Variants in GABRA2 observed in about 807,000 individuals in gnomAD.
The protein encoded by GABRA2 is gamma-aminobutyric acid receptor subunit alpha-2.
A neutral mutation model predicts 48.7 loss-of-function variants in GABRA2; 16 were observed. That is an observed-to-expected ratio of 0.33 (90% confidence interval 0.22 to 0.50). GABRA2 has a LOEUF of 0.50. GABRA2 is among the 20% of genes least tolerant of loss of function. The probability of loss-of-function intolerance (pLI) is 0.98; values close to 1 mark genes in which losing one functional copy is unlikely to be tolerated. For synonymous variants in GABRA2, 185 were observed against 184.5 expected (o/e 1.00, Z -0.02); for missense variants, 275 against 535.6 (o/e 0.51, Z 4.80).
chr4:46,361,267 G>C (rs1560579143), intron 3 of GABRA2, among the ~76,000 whole-genome samples: 1 of 151,944 alleles, frequency 6.6e-6, no homozygotes, highest in South Asian at 2.1e-4. Flanking sequence ...AAATGGGCCT[G>C]GCCGAGGGTC....
chr4:46,292,500 T>C (rs961667022), intron 8 of GABRA2, among the ~76,000 whole-genome samples: 2 of 152,304 alleles, frequency 1.3e-5, no homozygotes, highest in Admixed American at 1.3e-4. Flanking sequence ...ACTGAGCTTG[T>C]AAACTCTGAT....
intron 3 of GABRA2, among the ~76,000 whole-genome samples, chr4:46,346,224 C>T (rs1348819061): frequency 6.6e-6 from 1 of 151,896 alleles, no homozygotes; most frequent in African/African-American, 2.4e-5. Flanking sequence ...AAGTTAAAAA[C>T]ATTAAATTAG....
chr4:46,350,759 C>T (rs1387966323), intron 3 of GABRA2, among the ~76,000 whole-genome samples: 1 of 151,612 alleles, frequency 6.6e-6, no homozygotes, highest in Non-Finnish European at 1.5e-5. Context: ...AAATTGAGTG[C>T]CTATTATACT....
chr4:46,292,990 T>C (rs910059044), intron 8 of GABRA2, among the ~76,000 whole-genome samples: 9 of 152,110 alleles, frequency 5.9e-5, no homozygotes, highest in Admixed American at 5.2e-4. Context: ...GGTAAAGTAG[T>C]GGCACTCAAC....
intron 5 of GABRA2, among the ~76,000 whole-genome samples, chr4:46,310,944 CAA>C (rs1727546005): frequency 6.6e-6 from 1 of 151,970 alleles, no homozygotes; most frequent in Admixed American, 6.6e-5. Context: ...CATGTAAAGA[CAA>C]AGTGGATATA....
intron 3 of GABRA2, chr4:46,367,563 CT>C (rs1714236345): frequency 6.6e-6 from 1 of 152,026 alleles, no homozygotes; most frequent in Non-Finnish European, 1.5e-5. Context: ...TTCCTGGGAG[CT>C]TTGGAAAAAG....
At chr4:46,386,973 A>G (rs1717545452) in intron 2 of GABRA2, 1 of 152,220 alleles carries the variant, frequency 6.6e-6, no homozygotes. Context: ...ATCACCAGAA[A>G]AGCTTTAGAA....
intron 3 of GABRA2, among the ~76,000 whole-genome samples, chr4:46,353,132 A>T (rs1735412881): frequency 6.6e-6 from 1 of 152,164 alleles, no homozygotes; most frequent in East Asian, 1.9e-4. Context: ...AACAATAATC[A>T]TATTTAAGAT....
chr4:46,300,509 T>C (rs540606071), intron 8 of GABRA2, among the ~76,000 whole-genome samples: 1 of 152,096 alleles, frequency 6.6e-6, no homozygotes, highest in Admixed American at 6.6e-5. Context: ...ACTTATAAGT[T>C]CTATCATCTT....
intron 3 of GABRA2, among the ~76,000 whole-genome samples, chr4:46,345,537 C>A (rs984854374): frequency 6.6e-6 from 1 of 151,814 alleles, no homozygotes; most frequent in Non-Finnish European, 1.5e-5. Flanking sequence ...AGCTTTCTCT[C>A]CCCATAAGTA....
At chr4:46,266,135 G>T (rs926048837) in intron 8 of GABRA2, among the ~76,000 whole-genome samples, 1 of 151,540 alleles carries the variant, frequency 6.6e-6, no homozygotes, top group East Asian at 1.9e-4. Flanking sequence ...TGTGCATTCT[G>T]CTTTTTATGA....
chr4:46,376,752 C>G (rs888646168), intron 3 of GABRA2, among the ~76,000 whole-genome samples: 6 of 151,184 alleles, frequency 4.0e-5, no homozygotes, highest in African/African-American at 1.5e-4. Context: ...CCCTCTCCCT[C>G]TCCCTCTCCC....
rs1713921544 is a variant in GABRA2 at position 46,247,440 on chromosome 4, A to T, written c.*2868T>A. On this transcript the variant is annotated 3_prime_UTR_variant, in exon 10 of 10. Transcript: ENST00000381620. The stretch of plus-strand genomic sequence containing the variant: ...TTCAACTAAATTCAGTGGGTGTGAC[A>T]TGAGTGATTTTAACACCAATTACAG... 6.6e-6 allele frequency among the ~76,000 whole-genome samples: 1 copy of T among 151,232 alleles called. No individual in the cohort carries two copies. Among genetic ancestry groups the T allele is most frequent in the Non-Finnish European group, 1.5e-5 (1 of 67,478 alleles).
At chr4:46,360,018 T>C (rs868762356) in intron 3 of GABRA2, among the ~76,000 whole-genome samples, 1 of 152,072 alleles carries the variant, frequency 6.6e-6, no homozygotes, top group Non-Finnish European at 1.5e-5. Context: ...AAAAAGGGGA[T>C]TACTCCTCCT....
chr4:46,376,605 G>C (rs1381428297), intron 3 of GABRA2, among the ~76,000 whole-genome samples: 1 of 152,140 alleles, frequency 6.6e-6, no homozygotes, highest in African/African-American at 2.4e-5. Context: ...CATGGGTAGT[G>C]GCCAGGCGTA....
At chr4:46,266,412 T>C (rs1249183692) in intron 8 of GABRA2, among the ~76,000 whole-genome samples, 1 of 149,646 alleles carries the variant, frequency 6.7e-6, no homozygotes, top group Non-Finnish European at 1.5e-5. Context: ...TGATGAGTAA[T>C]TCTTGGTTGA....
chr4:46,385,184 C>G (rs1717282918), intron 3 of GABRA2, among the ~76,000 whole-genome samples: 1 of 150,852 alleles, frequency 6.6e-6, no homozygotes, highest in Non-Finnish European at 1.5e-5. Context: ...CAAATCTTTT[C>G]CAGCAACTTA....
Position 46,303,939 on chromosome 4 carries a change from C to T in GABRA2, c.704-327G>A, listed in dbSNP as rs192921775. ...ATTTACATTATTACAAATTGAGCAT[C>T]CCTAATCAAAATATATAAAATCTAA... On this transcript the variant is annotated intron_variant, in intron 7 of 9. Coordinates refer to ENST00000381620, the MANE Select transcript of GABRA2 (RefSeq NM_000807.4). Among the ~76,000 whole-genome samples, 769 of 152,120 alleles carry T rather than the reference C, an allele frequency of 5.1e-3. 3 individuals are homozygous for T. Among genetic ancestry groups the T allele is most frequent in the Middle Eastern group, 0.017 (5 of 294 alleles).
chr4:46,347,433 A>G (rs1187258131), intron 3 of GABRA2, among the ~76,000 whole-genome samples: 1 of 151,960 alleles, frequency 6.6e-6, no homozygotes, highest in East Asian at 1.9e-4. Context: ...CACAGAAATA[A>G]ACCCACATAT....
Sources: gnomAD v4.1 joint callset for allele counts (sites outside exome capture counted in the v4.1 genomes callset) on GRCh38, gnomAD v4.1.1 for gene constraint, MANE v1.5 for transcripts, NCBI Gene and HGNC (gene_info 2026-07-23, HGNC 2026-07-21) for gene names.